The following PPP1R1C variants were observed in gnomAD, a reference collection of about 807,000 sequenced individuals.
The protein encoded by PPP1R1C is protein phosphatase 1 regulatory subunit 1C.
In PPP1R1C, 15 loss-of-function variants were observed where a neutral mutation model predicts 17.4. That is an observed-to-expected ratio of 0.86 (90% CI 0.58 to 1.33). The LOEUF (loss-of-function observed/expected upper bound fraction) is 1.33. Ranked by LOEUF, PPP1R1C falls within the 40% of genes most tolerant of loss-of-function variation. PPP1R1C has a pLI of 0.00. For missense variants in PPP1R1C, 143 were observed against 130.0 expected (o/e 1.10, Z -0.48); for synonymous variants, 35 against 43.1 (o/e 0.81, Z 0.73).
intron 2 of PPP1R1C, chr2:182,024,019 G>T (rs1199617428): frequency 2.6e-5 from 4 of 152,028 alleles, no homozygotes; most frequent in Non-Finnish European, 4.4e-5. Context: ...TACAGAATAT[G>T]GTAGGAGCAA....
chr2:182,083,305 A>T (rs965340886), intron 4 of PPP1R1C, among the ~76,000 whole-genome samples: 2 of 152,134 alleles, frequency 1.3e-5, no homozygotes, highest in African/African-American at 4.8e-5. Context: ...GGTTACACGG[A>T]TGAATTGTAT....
chr2:182,092,970 G>A (rs374286746), intron 4 of PPP1R1C, among the ~76,000 whole-genome samples: 21 of 152,292 alleles, frequency 1.4e-4, no homozygotes, highest in East Asian at 1.4e-3. Context: ...GCCCTCTTCT[G>A]ACAGCTCCAC....
At chr2:182,039,643 C>G (rs1687121446) in intron 2 of PPP1R1C, among the ~76,000 whole-genome samples, 1 of 152,112 alleles carries the variant, frequency 6.6e-6, no homozygotes, top group African/African-American at 2.4e-5. Context: ...CCTTGGCCTC[C>G]CAAAGTACTG....
intron 4 of PPP1R1C, among the ~76,000 whole-genome samples, chr2:182,070,869 T>C (rs1688119171): frequency 6.6e-6 from 1 of 152,160 alleles, no homozygotes; most frequent in Non-Finnish European, 1.5e-5. Flanking sequence ...GCACTTTCCA[T>C]GGCTGGAGTA....
At chr2:182,126,190 T>A (rs1431281869) in intron 5 of PPP1R1C, among the ~76,000 whole-genome samples, 1 of 152,050 alleles carries the variant, frequency 6.6e-6, no homozygotes, top group African/African-American at 2.4e-5. Context: ...TATATGTTTT[T>A]TTGGCCACTA....
chr2:181,988,053 C>T (rs1378284973), intron 2 of PPP1R1C, among the ~76,000 whole-genome samples, 154 bp downstream of exon 2: 8 of 152,172 alleles, frequency 5.3e-5, no homozygotes, highest in African/African-American at 1.4e-4. Flanking sequence ...TAAACAGAAT[C>T]AGAAATAAAT....
Position 181,979,300 on chromosome 2 carries a change from C to G in PPP1R1C, n.157+4036C>G, listed in dbSNP as rs187700743. Among the ~76,000 whole-genome samples, 477 of 152,320 alleles carry G rather than the reference C, an allele frequency of 3.1e-3. 4 individuals carry two copies. Among genetic ancestry groups the G allele is most frequent in the African/African-American group, 0.011 (443 of 41,564 alleles). Reference sequence around the variant, plus strand: ...CGTAGTTCATCATTGTTCCAACTCTCTCTTCCGTTATTATCATCCAATTTC... The same window carrying G: ...CGTAGTTCATCATTGTTCCAACTCTGTCTTCCGTTATTATCATCCAATTTC... On this transcript the variant is annotated intron_variant and non_coding_transcript_variant, in intron 2 of 5. Coordinates refer to the PPP1R1C transcript ENST00000464264.
At chr2:182,011,747 T>G (rs1686092586) in intron 2 of PPP1R1C, among the ~76,000 whole-genome samples, 1 of 152,098 alleles carries the variant, frequency 6.6e-6, no homozygotes, top group African/African-American at 2.4e-5. Context: ...ATGTAGGCAC[T>G]TATTGCTATC....
intron 4 of PPP1R1C, chr2:182,064,045 A>G (rs970807657): frequency 2.3e-6 from 1 of 431,032 alleles, no homozygotes; most frequent in Non-Finnish European, 4.1e-6. Flanking sequence ...AATAATGACA[A>G]AGATTTTTTT....
At chr2:181,982,827 T>G (rs1004438087), upstream of PPP1R1C, among the ~76,000 whole-genome samples, 1 of 152,148 alleles carries the variant, frequency 6.6e-6, no homozygotes, top group African/African-American at 2.4e-5. Flanking sequence ...TGGCCTATTT[T>G]CCTAATGTTT....
chr2:181,962,048 G>A lies in PPP1R1C; in HGVS notation n.111+7414G>A, dbSNP rs1684808198. On this transcript the variant is annotated intron_variant and non_coding_transcript_variant, in intron 1 of 5. Coordinates refer to the PPP1R1C transcript ENST00000464264. The surrounding 1 kb of genome is among the most constrained non-coding windows in gnomAD (Gnocchi z 6.0). ...CAAAACGATGCCGGCATTGTCCACA[G>A]TATTTGCGAAGATCTGAACCCTCAG... The A allele has an allele frequency of 2.8e-6, 2 of 725,052 alleles. No homozygotes were observed. The highest frequency in any genetic ancestry group is 3.5e-5 in the Admixed American group (2 of 57,440). 44.9% of individuals were successfully genotyped at this position (725,052 alleles called of 1,614,324 possible).
At chr2:181,964,162 A>C (rs956985436) in intron 1 of PPP1R1C, among the ~76,000 whole-genome samples, 4 of 152,112 alleles carry the variant, frequency 2.6e-5, no homozygotes, top group Non-Finnish European at 4.4e-5. Context: ...TGTTGCCATG[A>C]GTTCAATTGT....
chr2:181,981,241 A>G (rs181912146), upstream of PPP1R1C, among the ~76,000 whole-genome samples: 96 of 152,344 alleles, frequency 6.3e-4, no homozygotes, highest in African/African-American at 2.2e-3. Context: ...GAGAAGTTTT[A>G]AAGAACACAG....
intron 2 of PPP1R1C, among the ~76,000 whole-genome samples, chr2:182,027,724 A>G (rs1188399104): frequency 2.0e-5 from 3 of 151,444 alleles, no homozygotes; most frequent in Non-Finnish European, 4.4e-5. Flanking sequence ...TGCTAGCCTC[A>G]TAAAATGAGT....
intron 2 of PPP1R1C, among the ~76,000 whole-genome samples, chr2:182,043,837 A>G (rs188927796): frequency 1.3e-5 from 2 of 152,060 alleles, no homozygotes; most frequent in East Asian, 3.9e-4. Context: ...TCATGGCTTT[A>G]TTGACCCCCT....
chr2:182,030,703 GAGGC>G (rs1686797349), intron 2 of PPP1R1C, among the ~76,000 whole-genome samples: 1 of 150,334 alleles, frequency 6.7e-6, no homozygotes, highest in African/African-American at 2.4e-5. Context: ...GGAGCCTACA[GAGGC>G]AGGCAGGCCT....
At chr2:181,966,090 G>T (rs1381477126) in intron 1 of PPP1R1C, among the ~76,000 whole-genome samples, 1 of 151,836 alleles carries the variant, frequency 6.6e-6, no homozygotes, top group African/African-American at 2.4e-5. Context: ...ATTATTTTTT[G>T]ATTTCCTTTT....
At chr2:182,126,751 G>A (rs923054545) in intron 5 of PPP1R1C, among the ~76,000 whole-genome samples, 4 of 151,934 alleles carry the variant, frequency 2.6e-5, no homozygotes, top group African/African-American at 9.7e-5. Flanking sequence ...GTGTGTAGGG[G>A]TGCAGCCACT....
chr2:182,096,504 G>A (rs1193727105), intron 4 of PPP1R1C, among the ~76,000 whole-genome samples: 1 of 152,030 alleles, frequency 6.6e-6, no homozygotes. Context: ...AGCTAATCAG[G>A]CCCTACATGA....
Sources: allele counts gnomAD v4.1 joint callset (sites outside exome capture counted in the v4.1 genomes callset), GRCh38; gene constraint gnomAD v4.1.1; non-coding constraint Gnocchi (gnomAD v3.1); transcripts MANE v1.5; gene names NCBI Gene and HGNC (gene_info 2026-07-23, HGNC 2026-07-21).